The following GSR variants were observed in gnomAD, a reference collection of about 807,000 sequenced individuals.
GSR encodes the protein glutathione-disulfide reductase.
In GSR, 48 loss-of-function variants were observed where a neutral mutation model predicts 56.5. The ratio of observed to expected loss-of-function variants is 0.85; its 90% CI spans 0.67 to 1.08. The LOEUF is 1.08. Among genes scored for constraint, GSR ranks in the 50% least tolerant of loss-of-function variants. The probability of loss-of-function intolerance (pLI) is 0.00; values close to 1 mark genes in which losing one functional copy is unlikely to be tolerated. For missense variants in GSR, 694 were observed against 703.3 expected, an observed-to-expected ratio of 0.99 and a Z score of 0.15; for synonymous variants, 264 against 270.8, an observed-to-expected ratio of 0.97 and a Z score of 0.25.
At chr8:30,703,745 G>C (rs185764873) in intron 4 of GSR, among the ~76,000 whole-genome samples, 1 of 150,000 alleles carries the variant, frequency 6.7e-6, no homozygotes, top group Non-Finnish European at 1.5e-5. Flanking sequence ...AGGGGGAGGA[G>C]GAGGAGAAAG....
At chr8:30,710,246 G>T (rs1804082473) in intron 2 of GSR, among the ~76,000 whole-genome samples, 1 of 152,008 alleles carries the variant, frequency 6.6e-6, no homozygotes, top group South Asian at 2.1e-4. Context: ...AACCCTGAGG[G>T]CAGAGGTTGT....
At chr8:30,714,202 C>CTTTT (rs33969608) in intron 1 of GSR, among the ~76,000 whole-genome samples, 4 of 63,958 alleles carry the variant, frequency 6.3e-5, no homozygotes, top group African/African-American at 2.5e-4. Flanking sequence ...GTTCTATATG[C>CTTTT]TTTTTTTTTT....
At chr8:30,710,089 G>A (rs1804077556) in intron 2 of GSR, among the ~76,000 whole-genome samples, 187 bp from the exon 3 acceptor site, 1 of 152,092 alleles carries the variant, frequency 6.6e-6, no homozygotes, top group Non-Finnish European at 1.5e-5. Flanking sequence ...CCCGAGGCAG[G>A]TGGATCACTT....
chr8:30,713,349 T>C (rs1804217995), intron 1 of GSR, among the ~76,000 whole-genome samples: 1 of 151,516 alleles, frequency 6.6e-6, no homozygotes, highest in Admixed American at 6.6e-5. Flanking sequence ...AAAACTACAT[T>C]ATTTTTTTGT....
At chr8:30,697,172 T>C (rs1003324576) in intron 6 of GSR, among the ~76,000 whole-genome samples, 10 of 151,858 alleles carry the variant, frequency 6.6e-5, no homozygotes, top group Non-Finnish European at 1.5e-4. Context: ...TCCTAGCACT[T>C]TGGGAGGCTG....
intron 8 of GSR, among the ~76,000 whole-genome samples, chr8:30,692,238 C>G (rs1803407648): frequency 9.3e-6 from 1 of 107,626 alleles, no homozygotes; most frequent in African/African-American, 3.6e-5. Context: ...GACTCTCGCT[C>G]TTGTTGCCCA....
intron 11 of GSR, among the ~76,000 whole-genome samples, chr8:30,681,655 T>A (rs904715211): frequency 9.9e-5 from 15 of 152,108 alleles, no homozygotes; most frequent in Non-Finnish European, 2.2e-4. Context: ...GAGTCCTTTG[T>A]ATTATTTTTA....
intron 1 of GSR, among the ~76,000 whole-genome samples, chr8:30,718,026 A>C (rs1051298088): frequency 1.3e-5 from 2 of 151,932 alleles, no homozygotes; most frequent in East Asian, 3.9e-4. Context: ...GCTTGAACCC[A>C]GGAGGCAGAG....
At chr8:30,709,673 C>G in intron 3 of GSR, 141 bp downstream of exon 3, 1 of 698,586 alleles carries the variant, frequency 1.4e-6, no homozygotes. Context: ...CAATTGTATA[C>G]TTAAAAATGG....
intron 2 of GSR, among the ~76,000 whole-genome samples, chr8:30,711,577 A>T (rs1344270218): frequency 2.6e-5 from 4 of 152,214 alleles, no homozygotes. Flanking sequence ...CATGCCTATA[A>T]TCCCAGCATT....
At chr8:30,692,495 C>CTTT (rs71206280) in intron 8 of GSR, among the ~76,000 whole-genome samples, 763 of 59,000 alleles carry the variant, frequency 0.013, 32 homozygotes, top group Non-Finnish European at 0.015. Flanking sequence ...CACACCCAGA[C>CTTT]TTTTTTTTTT....
intron 5 of GSR, among the ~76,000 whole-genome samples, chr8:30,701,483 C>CA (rs1233878701): frequency 2.1e-5 from 3 of 142,982 alleles, no homozygotes; most frequent in Non-Finnish European, 3.1e-5. Context: ...AACAAACAAA[C>CA]AAAAAAATAT....
Position 30,690,353 on chromosome 8 carries a change from T to G in GSR, c.883-1034A>C, listed in dbSNP as rs1394729987. On this transcript the variant is annotated intron_variant, in intron 8 of 12. Transcript: ENST00000221130. ...TTTTAAATTTTTCATAGAGATGGCA[T>G]CTTGTTATGTTGCCCAGGCTGGTCT... Among the ~76,000 whole-genome samples the G allele has an allele frequency of 4.0e-5, 6 of 151,766 alleles. No homozygotes were observed. In the Admixed American group the frequency reaches 4.0e-4, roughly 10 times the overall value.
At chr8:30,685,538 C>T (rs778635816) in intron 9 of GSR, among the ~76,000 whole-genome samples, 3 of 152,118 alleles carry the variant, frequency 2.0e-5, no homozygotes, top group Non-Finnish European at 4.4e-5. Context: ...TGATGTTTCC[C>T]TTAACCAAAA....
At chr8:30,685,401 T>G (rs1803128027) in intron 9 of GSR, among the ~76,000 whole-genome samples, 1 of 152,116 alleles carries the variant, frequency 6.6e-6, no homozygotes, top group Admixed American at 6.6e-5. Flanking sequence ...AAAAGCACAT[T>G]TCTATGAAGC....
chr8:30,683,208 A>C lies in GSR; in HGVS notation c.1153+880T>G, dbSNP rs8191026. ...AACTACTAGACTCAAGCGATCCCCCAACTTCAGCCTCTGAAAGTGATGGGA... is the reference window on the plus strand; with the variant it reads ...AACTACTAGACTCAAGCGATCCCCCCACTTCAGCCTCTGAAAGTGATGGGA... On this transcript the variant is annotated intron_variant, in intron 10 of 12. Coordinates refer to ENST00000221130, the MANE Select transcript of GSR (RefSeq NM_000637.5). 9.2e-4 allele frequency among the ~76,000 whole-genome samples: 140 copies of C among 152,210 alleles called. 1 individual carries two copies. In the South Asian group the frequency reaches 0.012, roughly 13 times the overall value.
intron 3 of GSR, among the ~76,000 whole-genome samples, chr8:30,708,591 GA>G (rs898255941): frequency 2.0e-5 from 3 of 152,142 alleles, no homozygotes; most frequent in African/African-American, 7.2e-5. Context: ...AGACCCAAAA[GA>G]AACTGGAAGC....
intron 1 of GSR, among the ~76,000 whole-genome samples, chr8:30,717,637 T>C (rs958526265): frequency 6.6e-6 from 1 of 152,128 alleles, no homozygotes; most frequent in African/African-American, 2.4e-5. Context: ...ACACTCCTTA[T>C]GAGAATCTAA....
chr8:30,718,694 A>C (rs973948532), intron 1 of GSR, among the ~76,000 whole-genome samples: 1 of 152,060 alleles, frequency 6.6e-6, no homozygotes, highest in Non-Finnish European at 1.5e-5. Flanking sequence ...CTCAGCATAC[A>C]ACACTGGCAG....
Sources: allele counts gnomAD v4.1 joint callset (sites outside exome capture counted in the v4.1 genomes callset), GRCh38; gene constraint gnomAD v4.1.1; transcripts MANE v1.5; gene names NCBI Gene and HGNC (gene_info 2026-07-23, HGNC 2026-07-21).